KCNMA1: variants seen among roughly 807,000 people sequenced by gnomAD.
KCNMA1 encodes the protein potassium calcium-activated channel subfamily M alpha 1.
KCNMA1 carries 29 observed loss-of-function variants against 140.0 expected under a neutral mutation model. That is an observed-to-expected ratio of 0.21 (90% CI 0.15 to 0.28). The LOEUF (loss-of-function observed/expected upper bound fraction) is 0.28, where lower values mean the gene tolerates loss of function less well. Among genes scored for constraint, KCNMA1 ranks in the 10% least tolerant of loss-of-function variants. KCNMA1 has a pLI of 1.00. For synonymous variants in KCNMA1, 612 were observed against 611.9 expected, an observed-to-expected ratio of 1.00 and a Z score of 0.00; for missense variants, 880 against 1,602.2, an observed-to-expected ratio of 0.55 and a Z score of 7.70.
intron 25 of KCNMA1, among the ~76,000 whole-genome samples, chr10:76,909,569 A>T (rs1198122413): frequency 6.6e-6 from 1 of 152,064 alleles, no homozygotes; most frequent in Admixed American, 6.6e-5. Flanking sequence ...GCCTTCTTTG[A>T]GAGCCTCAGG....
In KCNMA1 at chr10:77,478,028, G is replaced by A. The variant is rs1041292188; in HGVS notation, c.379-74005C>T. 1.2e-4 allele frequency among the ~76,000 whole-genome samples: 19 copies of A among 152,154 alleles called. No homozygotes were observed. The East Asian group carries it at 1.5e-3, about 12-fold the overall frequency. On this transcript the variant is annotated intron_variant, in intron 1 of 27. Coordinates refer to ENST00000286628, the MANE Select transcript of KCNMA1 (RefSeq NM_001161352.2). Reference sequence around the variant, plus strand: ...CTGCAGGTACATGATACCCTCTGCCGTTAATTCTATGCCATTTTGTTGAAG... The same window carrying A: ...CTGCAGGTACATGATACCCTCTGCCATTAATTCTATGCCATTTTGTTGAAG...
intron 23 of KCNMA1, among the ~76,000 whole-genome samples, chr10:76,931,517 GAA>G (rs57206850): frequency 6.1e-5 from 8 of 131,930 alleles, no homozygotes; most frequent in Non-Finnish European, 8.2e-5. Flanking sequence ...ACTGTTTTAA[GAA>G]AAAAAAAAAA....
At chr10:77,165,389 G>C (rs2098629350) in intron 5 of KCNMA1, among the ~76,000 whole-genome samples, 1 of 152,182 alleles carries the variant, frequency 6.6e-6, no homozygotes, top group Non-Finnish European at 1.5e-5. Flanking sequence ...TTTTAGGTCT[G>C]AGAAACATAT....
At chr10:77,216,147 G>GA (rs1243114401) in intron 3 of KCNMA1, among the ~76,000 whole-genome samples, 1 of 152,212 alleles carries the variant, frequency 6.6e-6, no homozygotes. Flanking sequence ...TATAGAGACA[G>GA]AAAGTAGATG....
intron 2 of KCNMA1, among the ~76,000 whole-genome samples, chr10:77,366,148 C>CTCTCTTTCTT (rs1555244685): frequency 2.7e-5 from 4 of 149,894 alleles, no homozygotes; most frequent in African/African-American, 9.8e-5. Context: ...CTCTCTCTTT[C>CTCTCTTTCTT]TCTTTCTTTC....
chr10:77,111,924 C>A (rs753325822), intron 7 of KCNMA1, among the ~76,000 whole-genome samples: 1 of 152,106 alleles, frequency 6.6e-6, no homozygotes. Flanking sequence ...ACAAATCAGA[C>A]AAAATAATCA....
chr10:77,268,918 C>T (rs1185282606), intron 2 of KCNMA1, among the ~76,000 whole-genome samples: 1 of 152,156 alleles, frequency 6.6e-6, no homozygotes, highest in African/African-American at 2.4e-5. Context: ...CCAGGAGACG[C>T]TGCACCAATG....
rs182064760 is a variant in KCNMA1, at chr10:77,345,359, C to T, written c.540+58503G>A. Among the ~76,000 whole-genome samples the T allele has an allele frequency of 3.0e-3, 460 of 151,916 alleles. 2 individuals are homozygous for T. Among genetic ancestry groups the T allele is most frequent in the Non-Finnish European group, 2.0e-3 (133 of 67,818 alleles). On this transcript the variant is annotated intron_variant, in intron 2 of 27. Coordinates refer to ENST00000286628, the MANE Select transcript of KCNMA1 (RefSeq NM_001161352.2). ...TAGAACTGCCCTGCATTGTCAGGCT[C>T]CCCCTTTGCCAGGTGGTGCCTCCCT...
chr10:77,285,492 C>A (rs1255961342), intron 2 of KCNMA1, among the ~76,000 whole-genome samples: 2 of 152,130 alleles, frequency 1.3e-5, no homozygotes, highest in East Asian at 3.8e-4. Context: ...AGAAATAGAA[C>A]AGACACTGAA....
At chr10:77,593,074 C>T (rs1414814464) in intron 1 of KCNMA1, among the ~76,000 whole-genome samples, 1 of 152,236 alleles carries the variant, frequency 6.6e-6, no homozygotes, top group East Asian at 1.9e-4. Context: ...CCTCTAAGCA[C>T]TGTCCACATG....
chr10:77,387,617 T>TCTTTTCTTTTCTTTTCTTTTC, intron 2 of KCNMA1, among the ~76,000 whole-genome samples: 1 of 150,618 alleles, frequency 6.6e-6, no homozygotes, highest in African/African-American at 2.5e-5. Context: ...CTTTCTTTTC[T>TCTTTTCTTTTCTTTTCTTTTC]TTTCTTTTCT....
intron 1 of KCNMA1, among the ~76,000 whole-genome samples, chr10:77,519,905 AG>A (rs2052236732): frequency 6.6e-6 from 1 of 151,358 alleles, no homozygotes; most frequent in Admixed American, 6.6e-5. Flanking sequence ...GTGCAGTGTG[AG>A]GGTATGCAGT....
At chr10:77,184,786 C>A (rs753300110) in intron 4 of KCNMA1, 37 bp downstream of exon 4, 3 of 1,257,358 alleles carry the variant, frequency 2.4e-6, no homozygotes, top group Non-Finnish European at 3.5e-6. Flanking sequence ...GACTGAAACA[C>A]CCCATTGTGA....
chr10:76,937,494 A>G (rs1413348587), intron 23 of KCNMA1, among the ~76,000 whole-genome samples: 2 of 152,184 alleles, frequency 1.3e-5, no homozygotes, highest in Admixed American at 6.5e-5. Context: ...GTCTTTACTG[A>G]TCATTTGAAA....
At position 77,387,186 on chromosome 10, in the gene KCNMA1, C is replaced by T. The variant is rs554098770; in HGVS notation, c.540+16676G>A. Among the ~76,000 whole-genome samples the T allele has an allele frequency of 3.3e-5, 5 of 152,280 alleles. No individual in the cohort carries two copies. The South Asian group carries it at 1.0e-3, about 32-fold the overall frequency. On this transcript the variant is annotated intron_variant, in intron 2 of 27. Coordinates refer to ENST00000286628, the MANE Select transcript of KCNMA1 (RefSeq NM_001161352.2). The stretch of plus-strand genomic sequence containing the variant: ...ATCACTGTGGCTCTGAAATCCACCC[C>T]CTCTGCTCTCCAAACACTAAAGAAA...
At chr10:77,084,523 G>A (rs2096650630) in intron 12 of KCNMA1, 114 bp downstream of exon 12, 1 of 822,540 alleles carries the variant, frequency 1.2e-6, no homozygotes, top group Non-Finnish European at 2.0e-6. Flanking sequence ...GTTGTACAGT[G>A]GCTTGTGGGG....
intron 1 of KCNMA1, among the ~76,000 whole-genome samples, chr10:77,567,604 T>C (rs2068839348): frequency 6.6e-6 from 1 of 152,190 alleles, no homozygotes; most frequent in African/African-American, 2.4e-5. Flanking sequence ...GAAATCCAGA[T>C]CCTTTCAAAA....
chr10:77,478,560 G>A (rs1479606695), intron 1 of KCNMA1, among the ~76,000 whole-genome samples: 2 of 152,074 alleles, frequency 1.3e-5, no homozygotes, highest in African/African-American at 4.8e-5. Context: ...AGAAATTCAG[G>A]CCCAGAACAA....
At chr10:77,177,174 GA>G (rs1389109790) in intron 5 of KCNMA1, among the ~76,000 whole-genome samples, 1 of 152,162 alleles carries the variant, frequency 6.6e-6, no homozygotes, top group East Asian at 1.9e-4. Context: ...CTTGGAAATA[GA>G]AAACTTCTAC....
Sources: allele counts gnomAD v4.1 joint callset (sites outside exome capture counted in the v4.1 genomes callset), GRCh38; gene constraint gnomAD v4.1.1; transcripts MANE v1.5; gene names NCBI Gene and HGNC (gene_info 2026-07-23, HGNC 2026-07-21).